The following EPB41L4A variants were observed in gnomAD, a reference collection of about 807,000 sequenced individuals.
EPB41L4A encodes the protein band 4.1-like protein 4A.
In EPB41L4A, 100 loss-of-function variants were observed where a neutral mutation model predicts 108.6. The observed-to-expected ratio is 0.92, with a 90% confidence interval of 0.78 to 1.09. The LOEUF (loss-of-function observed/expected upper bound fraction) is 1.09, where lower values mean the gene tolerates loss of function less well. EPB41L4A is among the 50% of genes least tolerant of loss of function. The pLI, the probability that EPB41L4A is intolerant of heterozygous loss-of-function variation, is 0.00. For missense variants in EPB41L4A, 1,030 were observed against 842.7 expected (o/e 1.22, Z -2.75); for synonymous variants, 319 against 289.0 (o/e 1.10, Z -1.05).
intron 4 of EPB41L4A, among the ~76,000 whole-genome samples, chr5:112,267,465 T>G (rs562632581): frequency 6.6e-6 from 1 of 152,304 alleles, no homozygotes; most frequent in South Asian, 2.1e-4. Flanking sequence ...AACCATATGT[T>G]TCAGAGAAAA....
intron 2 of EPB41L4A, among the ~76,000 whole-genome samples, chr5:112,293,606 T>C (rs1753799302): frequency 6.6e-6 from 1 of 152,192 alleles, no homozygotes; most frequent in Admixed American, 6.5e-5. Flanking sequence ...TACACAAACC[T>C]GGGTCCTTCA....
intron 2 of EPB41L4A, among the ~76,000 whole-genome samples, chr5:112,300,303 G>C (rs748175421): frequency 6.6e-6 from 1 of 152,140 alleles, no homozygotes; most frequent in African/African-American, 2.4e-5. Flanking sequence ...TTTGTTTCAA[G>C]ATTTGGAGCT....
intron 1 of EPB41L4A, among the ~76,000 whole-genome samples, chr5:112,358,825 T>C (rs1008707154): frequency 7.9e-5 from 12 of 152,200 alleles, no homozygotes; most frequent in Non-Finnish European, 1.8e-4. Context: ...TAAATTATAG[T>C]ATATTCACAA....
intron 4 of EPB41L4A, among the ~76,000 whole-genome samples, chr5:112,267,498 C>T (rs1333698522): frequency 6.6e-6 from 1 of 152,076 alleles, no homozygotes; most frequent in Non-Finnish European, 1.5e-5. Context: ...CCCATGTTTC[C>T]CCACTGCCCA....
intron 6 of EPB41L4A, chr5:112,264,569 G>T: frequency 1.2e-5 from 2 of 165,730 alleles, no homozygotes; most frequent in Non-Finnish European, 2.6e-5. Context: ...TTTACAGAAT[G>T]ATTCCACTAT....
chr5:112,313,300 T>G (rs1020733401), intron 1 of EPB41L4A, among the ~76,000 whole-genome samples: 2 of 152,152 alleles, frequency 1.3e-5, no homozygotes, highest in African/African-American at 2.4e-5. Context: ...TCATCAAAAG[T>G]CCTTTTGTAG....
intron 12 of EPB41L4A, among the ~76,000 whole-genome samples, chr5:112,213,356 T>G (rs962703248): frequency 8.6e-5 from 13 of 151,332 alleles, no homozygotes; most frequent in Admixed American, 5.9e-4. Context: ...TTTTTTTGTT[T>G]TTTTTTTTTT....
chr5:112,303,901 T>C (rs1398953452), intron 2 of EPB41L4A, among the ~76,000 whole-genome samples: 1 of 152,064 alleles, frequency 6.6e-6, no homozygotes, highest in East Asian at 1.9e-4. Flanking sequence ...CGGGAGGTTC[T>C]AAATGGGAAA....
rs1188991050 is a variant in EPB41L4A at position 112,313,858 on chromosome 5, C to CTTTTTTTT, written c.100-6376_100-6369dup. ...AACCGCTCCAAAAAAAGGTAACTTT[C>CTTTTTTTT]TTTTTTTTTTTTTTTTTTTTTTTGA... On this transcript the variant is annotated intron_variant, in intron 1 of 22. Coordinates refer to ENST00000261486, the MANE Select transcript of EPB41L4A (RefSeq NM_022140.5). 7.7e-4 allele frequency among the ~76,000 whole-genome samples: 69 copies of CTTTTTTTT among 89,466 alleles called. 4 individuals carry two copies. Among genetic ancestry groups the CTTTTTTTT allele is most frequent in the Middle Eastern group, 9.1e-3 (1 of 110 alleles). The allele number at this position is 89,466 out of a possible 152,430, so 58.7% of individuals were successfully genotyped here. A position where few individuals can be genotyped will look rare whatever the true frequency, so the allele number is the denominator to read the frequency against.
chr5:112,249,739 T>C (rs941744116), intron 9 of EPB41L4A: 2 of 152,196 alleles, frequency 1.3e-5, no homozygotes, highest in African/African-American at 2.4e-5. Context: ...TTCCAGTCTT[T>C]ACACAATGCT....
chr5:112,415,701 T>C (rs977661595), intron 1 of EPB41L4A, among the ~76,000 whole-genome samples: 4 of 152,118 alleles, frequency 2.6e-5, no homozygotes, highest in African/African-American at 7.2e-5. Flanking sequence ...CTCAAACAAC[T>C]GAGACCAACC....
intron 12 of EPB41L4A, among the ~76,000 whole-genome samples, chr5:112,222,575 A>G (rs929889784): frequency 6.6e-6 from 1 of 152,204 alleles, no homozygotes; most frequent in Non-Finnish European, 1.5e-5. Context: ...ATAGCTACTA[A>G]GCCTCCCTTC....
chr5:112,279,890 A>G (rs1337109659), intron 3 of EPB41L4A, among the ~76,000 whole-genome samples: 1 of 152,150 alleles, frequency 6.6e-6, no homozygotes, highest in Non-Finnish European at 1.5e-5. Flanking sequence ...ATAACCCAAG[A>G]AACTCAAGCT....
intron 1 of EPB41L4A, among the ~76,000 whole-genome samples, chr5:112,336,428 T>A (rs1290860085): frequency 6.6e-6 from 1 of 152,204 alleles, no homozygotes; most frequent in Non-Finnish European, 1.5e-5. Context: ...TATTCTTTCC[T>A]GTGTTCCAGA....
chr5:112,247,602 A>T (rs1181112053), intron 9 of EPB41L4A, among the ~76,000 whole-genome samples: 1 of 152,236 alleles, frequency 6.6e-6, no homozygotes, highest in Non-Finnish European at 1.5e-5. Context: ...TTAAATAAAA[A>T]TATCAAAACT....
intron 1 of EPB41L4A, among the ~76,000 whole-genome samples, chr5:112,312,925 T>G (rs1241549591): frequency 1.3e-5 from 2 of 152,128 alleles, no homozygotes; most frequent in African/African-American, 4.8e-5. Flanking sequence ...AGAACTGACA[T>G]AGAACCAAAG....
intron 15 of EPB41L4A, among the ~76,000 whole-genome samples, 183 bp downstream of exon 15, chr5:112,204,192 A>G (rs1202288278): frequency 2.0e-5 from 3 of 151,890 alleles, no homozygotes; most frequent in Non-Finnish European, 4.4e-5. Context: ...ATTCTCTAAA[A>G]CTCTGGCTGT....
At chr5:112,289,585 T>C (rs1403343371) in intron 2 of EPB41L4A, among the ~76,000 whole-genome samples, 1 of 152,200 alleles carries the variant, frequency 6.6e-6, no homozygotes, top group African/African-American at 2.4e-5. Flanking sequence ...CCTTCTGGTA[T>C]CCTTCCCTCC....
chr5:112,343,422 C>T (rs116386191), intron 1 of EPB41L4A, among the ~76,000 whole-genome samples: 72 of 152,176 alleles, frequency 4.7e-4, no homozygotes, highest in African/African-American at 1.6e-3. Flanking sequence ...ATCTGTAAGA[C>T]GGGAATATTA....
Sources: gnomAD v4.1 joint callset for allele counts (sites outside exome capture counted in the v4.1 genomes callset) on GRCh38, gnomAD v4.1.1 for gene constraint, MANE v1.5 for transcripts, NCBI Gene and HGNC (gene_info 2026-07-23, HGNC 2026-07-21) for gene names.